Variants in ELMOD3 observed in about 807,000 individuals in gnomAD.
The protein encoded by ELMOD3 is ELMO domain containing 3.
ELMOD3 carries 36 observed loss-of-function variants against 47.4 expected under a neutral mutation model. The ratio of observed to expected loss-of-function variants is 0.76; its 90% CI spans 0.58 to 1.00. ELMOD3 has a LOEUF of 1.00. Among genes scored for constraint, ELMOD3 ranks in the 50% least tolerant of loss-of-function variants. The probability of loss-of-function intolerance (pLI) is 0.00; values close to 1 mark genes in which losing one functional copy is unlikely to be tolerated. For synonymous variants in ELMOD3, 149 were observed against 183.5 expected (o/e 0.81, Z 1.52); for missense variants, 404 against 463.8 (o/e 0.87, Z 1.18).
intron 11 of ELMOD3, among the ~76,000 whole-genome samples, chr2:85,386,533 C>A (rs1194257723): frequency 6.6e-6 from 1 of 151,938 alleles, no homozygotes; most frequent in Non-Finnish European, 1.5e-5. Context: ...TACAAGTGCC[C>A]ACCAGTACAC....
At chr2:85,377,169 G>T (rs1018373702) in intron 10 of ELMOD3, among the ~76,000 whole-genome samples, 175 bp from the exon 11 acceptor site, 5 of 152,222 alleles carry the variant, frequency 3.3e-5, no homozygotes, top group Admixed American at 2.6e-4. Flanking sequence ...CCCATTTGGT[G>T]CATAGCCCCT....
At chr2:85,388,597 C>T (rs1052906571) in intron 11 of ELMOD3, among the ~76,000 whole-genome samples, 1 of 152,186 alleles carries the variant, frequency 6.6e-6, no homozygotes, top group Non-Finnish European at 1.5e-5. Context: ...TGAGAAAAAT[C>T]TCTGTGGAGC....
intron 10 of ELMOD3, chr2:85,371,912 T>G (rs1165803200): frequency 4.2e-6 from 1 of 235,604 alleles, no homozygotes; most frequent in Non-Finnish European, 8.5e-6. Flanking sequence ...GGCCTGTGCC[T>G]GTAATCCCAG....
At chr2:85,380,257 G>A (rs1302946021) in intron 11 of ELMOD3, among the ~76,000 whole-genome samples, 2 of 152,198 alleles carry the variant, frequency 1.3e-5, no homozygotes, top group African/African-American at 2.4e-5. Context: ...GGTCATAGCA[G>A]TATACTAAAT....
In ELMOD3 at chr2:85,368,752, C is replaced by T. The variant is rs1399038201; in HGVS notation, c.266C>T (p.Thr89Ile). 6.2e-7 allele frequency: 1 copy of T among 1,614,154 alleles called. No individual in the cohort carries two copies. ...WEAVDTIQPE[T>I]GSQASSEQPG... Reference sequence around the variant, plus strand: ...GCTGTGGACACCATCCAGCCAGAGACAGGTAACTGTACGAATGCTGCTGTC... The same window carrying T: ...GCTGTGGACACCATCCAGCCAGAGATAGGTAACTGTACGAATGCTGCTGTC... Residue 89 changes from threonine (T) to isoleucine (I), a missense_variant and splice_region_variant, in exon 7 of 14, where the codon ACA (threonine) becomes ATA (isoleucine). By Grantham distance (89) the Thr-to-Ile change is moderately conservative. Transcript: ENST00000409013.
At chr2:85,377,729 G>A (rs529689862) in intron 11 of ELMOD3, among the ~76,000 whole-genome samples, 12 of 152,180 alleles carry the variant, frequency 7.9e-5, no homozygotes, top group Non-Finnish European at 1.5e-4. Flanking sequence ...CTTTGGTGCC[G>A]TAAAGAAATA....
chr2:85,372,904 A>AG (rs1684897280), intron 10 of ELMOD3: 1 of 151,008 alleles, frequency 6.6e-6, no homozygotes, highest in Non-Finnish European at 1.5e-5. Flanking sequence ...AAAAAAAAAA[A>AG]AAAAAGACAA....
At chr2:85,373,840 GA>G (rs34188613) in intron 10 of ELMOD3, among the ~76,000 whole-genome samples, 34,948 of 115,528 alleles carry the variant, frequency 0.3, 4,396 homozygotes, top group Middle Eastern at 0.44. Flanking sequence ...CTTCGTCTCA[GA>G]AAAAAAAAAA....
rs373496479 is a variant in ELMOD3, at chr2:85,368,679, A to T, written c.200-7A>T. On this transcript the variant is annotated splice_polypyrimidine_tract_variant and splice_region_variant and intron_variant, in intron 6 of 13. Transcript: ENST00000409013. ...TCAGAGGGTCTCCTTTTCTCCTACTATTGCAGTTGTGAGTACAGAGGTGGT... is the reference window on the plus strand; with the variant it reads ...TCAGAGGGTCTCCTTTTCTCCTACTTTTGCAGTTGTGAGTACAGAGGTGGT... 12 of 1,613,794 alleles carry T rather than the reference A, an allele frequency of 7.4e-6. No homozygotes were observed. Among genetic ancestry groups the T allele is most frequent in the Middle Eastern group, 3.3e-4 (2 of 6,082 alleles).
rs115475061 is a variant in ELMOD3 at position 85,361,325 on chromosome 2, G to A, written c.55-861G>A. The stretch of plus-strand genomic sequence containing the variant: ...CAGACTTTCAAAGAGCCAGGAAATC[G>A]GTATAAAATTTTTGAGATAACATTA... On this transcript the variant is annotated intron_variant, in intron 4 of 13. Coordinates refer to ENST00000409013, the MANE Select transcript of ELMOD3 (RefSeq NM_001135022.2). Among the ~76,000 whole-genome samples the A allele has an allele frequency of 5.3e-3, 812 of 152,174 alleles. 9 individuals are homozygous for A. Among genetic ancestry groups the A allele is most frequent in the African/African-American group, 0.019 (780 of 41,530 alleles).
Position 85,389,754 on chromosome 2 carries a change from T to C in ELMOD3, c.742T>C (p.Phe248Leu). 3 of 1,614,050 alleles carry C rather than the reference T, an allele frequency of 1.9e-6. No individual in the cohort carries two copies. The highest frequency in any genetic ancestry group is 1.3e-5 in the African/African-American group (1 of 75,036). Residue 248 changes from phenylalanine (F) to leucine (L), a missense_variant, in exon 12 of 14, where the codon TTC becomes CTC. By Grantham distance (22) the Phe-to-Leu change is conservative. Transcript: ENST00000409013. ...FRLSRHHIQQ[F>L]PFCLMSVNIT... ...ACTGGGTGCCCCTCCATTCCAGCAA[T>C]TCCCTTTCTGTTTGATGTCCGTGAA...
chr2:85,387,794 T>C (rs1686044437), intron 11 of ELMOD3, among the ~76,000 whole-genome samples: 1 of 151,934 alleles, frequency 6.6e-6, no homozygotes, highest in African/African-American at 2.4e-5. Flanking sequence ...CCTGAGAGAC[T>C]CAAGGGACTC....
chr2:85,368,759 C>T lies in ELMOD3; in HGVS notation c.268+5C>T. ...ACACCATCCAGCCAGAGACAGGTAA[C>T]TGTACGAATGCTGCTGTCTCCCCAT... is the stretch of plus-strand genomic sequence containing the variant. On this transcript the variant is annotated splice_donor_5th_base_variant and intron_variant, in intron 7 of 13. Coordinates refer to ENST00000409013, the MANE Select transcript of ELMOD3 (RefSeq NM_001135022.2). 2 of 1,614,116 alleles carry T rather than the reference C, an allele frequency of 1.2e-6. No individual in the cohort carries two copies. The highest frequency in any genetic ancestry group is 1.7e-6 in the Non-Finnish European group (2 of 1,180,008).
intron 7 of ELMOD3, 70 bp from the exon 8 acceptor site, chr2:85,369,669 A>G (rs1684647251): frequency 3.9e-6 from 6 of 1,523,124 alleles, no homozygotes; most frequent in Non-Finnish European, 5.4e-6. Context: ...GACAAGTAGG[A>G]GGGCCTCAGT....
intron 10 of ELMOD3, 95 bp from the exon 11 acceptor site, chr2:85,377,249 C>A: frequency 2.5e-6 from 3 of 1,192,748 alleles, no homozygotes; most frequent in Non-Finnish European, 3.4e-6. Context: ...GCTCCGCTAG[C>A]CTGGGAAGAG....
At position 85,365,738 on chromosome 2, in the gene ELMOD3, C is replaced by A. The variant is rs540751228; in HGVS notation, c.199+2572C>A. On this transcript the variant is annotated intron_variant, in intron 6 of 13. Coordinates refer to ENST00000409013, the MANE Select transcript of ELMOD3 (RefSeq NM_001135022.2). ...AACCTGTTTTGACAGCATATTCCCA[C>A]CCCCTTGCCACTGTGGTTCCTGCTC... 2.4e-4 allele frequency among the ~76,000 whole-genome samples: 36 copies of A among 152,270 alleles called. 1 individual carries two copies. The Middle Eastern group carries it at 0.017, about 72-fold the overall frequency.
In ELMOD3 at chr2:85,391,043, A is replaced by G. The variant is rs1414487767; in HGVS notation, c.*81A>G. On this transcript the variant is annotated 3_prime_UTR_variant, in exon 14 of 14. Coordinates refer to ENST00000409013, the MANE Select transcript of ELMOD3 (RefSeq NM_001135022.2). The stretch of plus-strand genomic sequence containing the variant: ...GTGGAGCCATGTCAGGAGCCTGGCC[A>G]GGCCGCACCCCTTGCTGTCTCAGCA... 3.7e-6 allele frequency: 5 copies of G among 1,367,134 alleles called. No individual in the cohort carries two copies. The highest frequency in any genetic ancestry group is 5.0e-6 in the Non-Finnish European group (5 of 1,001,348). 84.7% of individuals were successfully genotyped at this position (1,367,134 alleles called of 1,614,324 possible).
At chr2:85,365,966 CTTTT>C (rs200811688) in intron 6 of ELMOD3, among the ~76,000 whole-genome samples, 23 of 149,996 alleles carry the variant, frequency 1.5e-4, no homozygotes. Flanking sequence ...CCCCCAGTCC[CTTTT>C]TTTTTGAAAC....
chr2:85,355,042 G>A (rs190902834), intron 1 of ELMOD3, 34 bp from the exon 2 acceptor site: 1 of 154,122 alleles, frequency 6.5e-6, no homozygotes, highest in African/African-American at 2.4e-5. Context: ...CTGCCTTGAG[G>A]TGTTAAATTG....
Sources: allele counts gnomAD v4.1 joint callset (sites outside exome capture counted in the v4.1 genomes callset), GRCh38; gene constraint gnomAD v4.1.1; transcripts MANE v1.5; gene names NCBI Gene and HGNC (gene_info 2026-07-23, HGNC 2026-07-21).